Variants in CD276 observed in about 807,000 individuals in gnomAD.
CD276 encodes CD276 antigen.
Under a neutral mutation model 50.0 loss-of-function variants are expected in CD276, and 34 were observed. The ratio of observed to expected loss-of-function variants is 0.68; its 90% confidence interval spans 0.52 to 0.91. CD276 has a LOEUF of 0.91. Ranked by LOEUF, CD276 falls within the 40% of genes least tolerant of loss-of-function variation. The probability of loss-of-function intolerance (pLI) is 0.00; values close to 1 mark genes in which losing one functional copy is unlikely to be tolerated. For missense variants in CD276, 634 were observed against 717.5 expected (o/e 0.88, Z 1.33); for synonymous variants, 275 against 313.0 (o/e 0.88, Z 1.28).
At chr15:73,694,778 G>A (rs1900117887) in intron 1 of CD276, among the ~76,000 whole-genome samples, 2 of 152,320 alleles carry the variant, frequency 1.3e-5, no homozygotes, top group Middle Eastern at 3.4e-3. Context: ...ACACTCAGCT[G>A]CAAGTAAGGC....
chr15:73,695,745 G>T (rs1442822825), intron 1 of CD276, among the ~76,000 whole-genome samples: 2 of 152,252 alleles, frequency 1.3e-5, no homozygotes, highest in African/African-American at 4.8e-5. Context: ...TAGGTCTGCA[G>T]CTTGCTTCAG....
intron 6 of CD276, among the ~76,000 whole-genome samples, chr15:73,706,047 C>A (rs1436200235): frequency 6.6e-6 from 1 of 151,996 alleles, no homozygotes; most frequent in Admixed American, 6.6e-5. Flanking sequence ...GTCAGGAGTT[C>A]GAGACCAGCC....
At chr15:73,707,478 G>A (rs1325335315) in intron 6 of CD276, among the ~76,000 whole-genome samples, 1 of 152,150 alleles carries the variant, frequency 6.6e-6, no homozygotes, top group Non-Finnish European at 1.5e-5. Flanking sequence ...ATATCCCCCT[G>A]GCAAGGCCCC....
At chr15:73,698,614 G>A (rs1461787082) in intron 1 of CD276, among the ~76,000 whole-genome samples, 1 of 152,088 alleles carries the variant, frequency 6.6e-6, no homozygotes, top group Non-Finnish European at 1.5e-5. Flanking sequence ...AGTCTGGAGT[G>A]CAGTGGTGCA....
chr15:73,690,919 C>T (rs1899962295), intron 1 of CD276: 1 of 397,988 alleles, frequency 2.5e-6, no homozygotes, highest in Admixed American at 3.1e-5. Context: ...GATCTTATCA[C>T]AAGGAAAGTG....
At chr15:73,703,217 A>G in intron 4 of CD276, 131 bp downstream of exon 4, 1 of 1,129,806 alleles carries the variant, frequency 8.9e-7, no homozygotes, top group Non-Finnish European at 1.2e-6. Flanking sequence ...AGGGAGAAAG[A>G]TAACGGGGAG....
chr15:73,696,967 G>A (rs1365005683), intron 1 of CD276, among the ~76,000 whole-genome samples: 1 of 151,902 alleles, frequency 6.6e-6, no homozygotes. Context: ...AGTGAGGGAG[G>A]CGGCCCAGGA....
In CD276 at chr15:73,714,474, C is replaced by G. The variant is rs752733565; in HGVS notation, c.*1518C>G. On this transcript the variant is annotated 3_prime_UTR_variant, in exon 10 of 10. Transcript: ENST00000318443. ...GTGGGACTCGGAGGGATTTTGTAAACTGGGGGTATATTTTGGGGAAAATAA... is the reference window on the plus strand; with the variant it reads ...GTGGGACTCGGAGGGATTTTGTAAAGTGGGGGTATATTTTGGGGAAAATAA... 4 of 152,390 alleles carry G rather than the reference C, an allele frequency of 2.6e-5. No individual in the cohort carries two copies. The highest frequency in any genetic ancestry group is 2.6e-4 in the Admixed American group (4 of 15,284). 9.4% of individuals were successfully genotyped at this position (152,390 alleles called of 1,614,324 possible).
chr15:73,707,470 AT>A (rs763413141), intron 6 of CD276, among the ~76,000 whole-genome samples: 5 of 152,182 alleles, frequency 3.3e-5, no homozygotes, highest in Non-Finnish European at 7.3e-5. Flanking sequence ...TCATGTTAAT[AT>A]CCCCCTGGCA....
chr15:73,708,865 G>A (rs901867828), intron 7 of CD276, among the ~76,000 whole-genome samples: 7 of 152,374 alleles, frequency 4.6e-5, no homozygotes, highest in African/African-American at 1.4e-4. Context: ...GGGCGTGCAT[G>A]GCACTGGGGG....
At chr15:73,685,509 T>A in intron 1 of CD276, among the ~76,000 whole-genome samples, 1 of 140,232 alleles carries the variant, frequency 7.1e-6, no homozygotes. Context: ...GGTGGGGGGG[T>A]GTTAGTTGTC....
chr15:73,691,164 A>G (rs980147884), intron 1 of CD276, among the ~76,000 whole-genome samples: 6 of 151,596 alleles, frequency 4.0e-5, no homozygotes, highest in African/African-American at 1.5e-4. Flanking sequence ...TAGTGAAGAT[A>G]TAGCAGACAT....
rs765808662 is a variant in CD276, at chr15:73,702,945, G to A, written c.592G>A (p.Glu198Lys). ...CGTGACCACGTCGCAGATGGCCAAC[G>A]AGCAGGGCTTGTTTGATGTGCACAG... Reference protein sequence around the residue: ...GNVTTSQMANEQGLFDVHSIL... With the variant: ...GNVTTSQMANKQGLFDVHSIL... Residue 198 changes from glutamate (E) to lysine (K), a missense_variant, in exon 4 of 10, where the codon GAG (glutamate) becomes AAG (lysine). Transcript: ENST00000318443. The A allele has an allele frequency of 6.8e-6, 11 of 1,614,072 alleles. No individual in the cohort carries two copies. The South Asian group carries it at 9.9e-5, about 14-fold the overall frequency.
intron 1 of CD276, among the ~76,000 whole-genome samples, chr15:73,688,240 G>C (rs1267755293): frequency 6.6e-6 from 1 of 151,948 alleles, no homozygotes; most frequent in African/African-American, 2.4e-5. Context: ...CAAAGTGTTC[G>C]CTCAGTGCAG....
At chr15:73,712,386 G>C (rs1026744252) in intron 9 of CD276, among the ~76,000 whole-genome samples, 1 of 152,232 alleles carries the variant, frequency 6.6e-6, no homozygotes, top group Admixed American at 6.5e-5. Context: ...GGCAGGGGAA[G>C]GGCCCAAGCC....
At chr15:73,697,037 G>T (rs1355604134) in intron 1 of CD276, among the ~76,000 whole-genome samples, 1 of 152,168 alleles carries the variant, frequency 6.6e-6, no homozygotes, top group African/African-American at 2.4e-5. Context: ...TGTGGAATCT[G>T]GGCGTTCGTT....
At chr15:73,697,169 G>C (rs1900209384) in intron 1 of CD276, among the ~76,000 whole-genome samples, 1 of 152,208 alleles carries the variant, frequency 6.6e-6, no homozygotes, top group African/African-American at 2.4e-5. Flanking sequence ...TGCCAAAGGT[G>C]CTTTATGAAT....
rs1232498253 is a variant in CD276 at position 73,713,672 on chromosome 15, C to A, written c.*716C>A. The A allele has an allele frequency of 4.8e-6, 2 of 415,034 alleles. No homozygotes were observed. Among genetic ancestry groups the A allele is most frequent in the South Asian group, 3.4e-5 (2 of 58,794 alleles). The allele number at this position is 415,034 out of a possible 1,614,324, so 25.7% of individuals were successfully genotyped here. On this transcript the variant is annotated 3_prime_UTR_variant, in exon 10 of 10. Transcript: ENST00000318443. Reference sequence around the variant, plus strand: ...ACGTGCTGGAACACGTGTGGTTCCCCCCTGGCCCAGCCTCCTCTGCAGTGC... The same window carrying A: ...ACGTGCTGGAACACGTGTGGTTCCCACCTGGCCCAGCCTCCTCTGCAGTGC...
At position 73,703,665 on chromosome 15, in the gene CD276, T is replaced by G; in HGVS notation, c.740T>G (p.Val247Gly). The stretch of plus-strand genomic sequence containing the variant: ...CCTCTGACCCCGCCCCCAGGAGCCG[T>G]GGAGGTCCAGGTCCCTGAGGACCCG... Reference protein sequence around the residue: ...ITPQRSPTGAVEVQVPEDPVV... With the variant: ...ITPQRSPTGAGEVQVPEDPVV... The change falls in exon 5 of 10, where the codon GTG becomes GGG. Residue 247 changes from valine (V) to glycine (G), a missense_variant. Transcript: ENST00000318443. 1.2e-6 allele frequency: 2 copies of G among 1,607,750 alleles called. No homozygotes were observed.
Sources: gnomAD v4.1 joint callset for allele counts (sites outside exome capture counted in the v4.1 genomes callset) on GRCh38, gnomAD v4.1.1 for gene constraint, MANE v1.5 for transcripts, NCBI Gene and HGNC (gene_info 2026-07-23, HGNC 2026-07-21) for gene names.